The following RNLS variants were observed in gnomAD, a reference collection of about 807,000 sequenced individuals.
The protein encoded by RNLS is renalase, FAD dependent amine oxidase, also known as renalase.
RNLS carries 39 observed loss-of-function variants against 39.8 expected under a neutral mutation model. The ratio of observed to expected loss-of-function variants is 0.98; its 90% confidence interval spans 0.76 to 1.28. RNLS has a LOEUF of 1.28. RNLS is among the 50% of genes most tolerant of loss of function. RNLS has a pLI of 0.00. For synonymous variants in RNLS, 147 were observed against 150.7 expected (o/e 0.98, Z 0.18); for missense variants, 410 against 413.3 (o/e 0.99, Z 0.07).
At chr10:88,493,907 A>G (rs1845021522) in intron 4 of RNLS, among the ~76,000 whole-genome samples, 1 of 152,190 alleles carries the variant, frequency 6.6e-6, no homozygotes, top group Non-Finnish European at 1.5e-5. Context: ...TTGGCAGACC[A>G]TAAACAAAAT....
At chr10:88,231,863 A>G in the RNLS span, among the ~76,000 whole-genome samples, 1 of 152,098 alleles carries the variant, frequency 6.6e-6, no homozygotes, top group African/African-American at 2.4e-5. Context: ...TTAAACAACA[A>G]AAAAAATTGG....
At chr10:88,186,973 CT>C in the RNLS span, among the ~76,000 whole-genome samples, 1 of 151,380 alleles carries the variant, frequency 6.6e-6, no homozygotes, top group Non-Finnish European at 1.5e-5. Flanking sequence ...AAAGCAAACT[CT>C]TCATGGAAAA....
chr10:88,530,228 G>A (rs757878691), intron 4 of RNLS, among the ~76,000 whole-genome samples: 6 of 152,108 alleles, frequency 3.9e-5, no homozygotes, highest in African/African-American at 1.2e-4. Flanking sequence ...TGTGAAAAGC[G>A]AATGGGTAGA....
chr10:88,284,352 C>T lies in RNLS; in HGVS notation c.*1002G>A. On this transcript the variant is annotated 3_prime_UTR_variant, in exon 7 of 7. Coordinates refer to ENST00000331772, the MANE Select transcript of RNLS (RefSeq NM_001031709.3). ...TTCAAAATGCTGAAATAGAACTCAT[C>T]ATTTTGCTTTTCAAATTAGCAACAG... 2.0e-6 allele frequency: 2 copies of T among 985,384 alleles called. No homozygotes were observed. The highest frequency in any genetic ancestry group is 3.5e-5 in the African/African-American group (2 of 57,354). 61.0% of individuals were successfully genotyped at this position (985,384 alleles called of 1,614,324 possible). A position where few individuals can be genotyped will look rare whatever the true frequency, so the allele number is the denominator to read the frequency against.
intron 5 of RNLS, among the ~76,000 whole-genome samples, chr10:88,344,099 T>G (rs752184271): frequency 3.3e-4 from 50 of 152,174 alleles, no homozygotes; most frequent in Non-Finnish European, 7.4e-5. Flanking sequence ...ATTGGACTAT[T>G]TTCCTGAATT....
At chr10:88,319,051 G>C (rs1397946938) in intron 5 of RNLS, among the ~76,000 whole-genome samples, 4 of 152,138 alleles carry the variant, frequency 2.6e-5, no homozygotes, top group Admixed American at 6.5e-5. Flanking sequence ...TAGTGTATGT[G>C]ATGAGACTTC....
chr10:88,362,519 G>A lies in RNLS; in HGVS notation c.700+33C>T, dbSNP rs530290852. On this transcript the variant is annotated intron_variant, in intron 5 of 6. Transcript: ENST00000331772. ...TTCATGATCTACACCCACCATTGTT[G>A]CTGTATTTAAGGGAAATAATAGGGG... 24 of 1,590,876 alleles carry A rather than the reference G, an allele frequency of 1.5e-5. 1 individual carries two copies. The highest frequency in any genetic ancestry group is 1.7e-4 in the Middle Eastern group (1 of 5,848).
the RNLS span, among the ~76,000 whole-genome samples, chr10:88,238,942 G>T: frequency 2.6e-5 from 4 of 152,060 alleles, no homozygotes; most frequent in South Asian, 8.3e-4. Flanking sequence ...CCAGCCATGT[G>T]GTAGGATGTC....
At chr10:88,173,149 C>A in the RNLS span, among the ~76,000 whole-genome samples, 2 of 152,002 alleles carry the variant, frequency 1.3e-5, no homozygotes, top group African/African-American at 4.8e-5. Context: ...TAAGCCACCG[C>A]GCCCGGCCGA....
chr10:88,488,814 T>C lies in RNLS; in HGVS notation c.526+84089A>G, dbSNP rs150835447. ...AAGTAATTTGGCTTCAATTAAAATGTTTGAAGGAGGAATTTGGGTCATAGT... is the reference window on the plus strand; with the variant it reads ...AAGTAATTTGGCTTCAATTAAAATGCTTGAAGGAGGAATTTGGGTCATAGT... On this transcript the variant is annotated intron_variant, in intron 4 of 6. Transcript: ENST00000331772. Among the ~76,000 whole-genome samples the C allele has an allele frequency of 4.6e-3, 708 of 152,260 alleles. 3 individuals are homozygous for C. The highest frequency in any genetic ancestry group is 0.012 in the Admixed American group (185 of 15,280).
chr10:88,329,214 C>T (rs568272927), intron 5 of RNLS, among the ~76,000 whole-genome samples: 1 of 151,714 alleles, frequency 6.6e-6, no homozygotes, highest in East Asian at 1.9e-4. Context: ...ACCACCACAC[C>T]CAGCTAGTTT....
At chr10:88,441,731 G>T (rs1217008610) in intron 4 of RNLS, among the ~76,000 whole-genome samples, 2 of 152,138 alleles carry the variant, frequency 1.3e-5, no homozygotes, top group Non-Finnish European at 2.9e-5. Flanking sequence ...TGTAAGCATC[G>T]GAAATACAAT....
At chr10:88,512,822 A>G (rs113169676) in intron 4 of RNLS, among the ~76,000 whole-genome samples, 2 of 152,212 alleles carry the variant, frequency 1.3e-5, no homozygotes, top group African/African-American at 4.8e-5. Flanking sequence ...CACTCCTCTC[A>G]TTACTGGCAG....
intron 5 of RNLS, among the ~76,000 whole-genome samples, chr10:88,345,364 T>C (rs1848237439): frequency 6.6e-6 from 1 of 152,144 alleles, no homozygotes; most frequent in African/African-American, 2.4e-5. Context: ...GGAAAAATTC[T>C]TATTCAAAAA....
chr10:88,233,207 C>G, the RNLS span, among the ~76,000 whole-genome samples: 2 of 152,320 alleles, frequency 1.3e-5, no homozygotes, highest in South Asian at 4.1e-4. Context: ...TCCAGCAAAT[C>G]CAAGAAACAA....
At chr10:88,550,993 G>C (rs1848577833) in intron 4 of RNLS, among the ~76,000 whole-genome samples, 1 of 152,138 alleles carries the variant, frequency 6.6e-6, no homozygotes, top group Non-Finnish European at 1.5e-5. Context: ...TTTATAGTTT[G>C]TTCAGTTTTT....
chr10:88,184,637 T>A, the RNLS span, among the ~76,000 whole-genome samples: 1 of 152,132 alleles, frequency 6.6e-6, no homozygotes, highest in Admixed American at 6.6e-5. Context: ...TGACCCATCT[T>A]TTGCATAAAT....
chr10:88,538,469 A>G (rs992350470), intron 4 of RNLS, among the ~76,000 whole-genome samples: 1 of 152,156 alleles, frequency 6.6e-6, no homozygotes. Flanking sequence ...TCTCCCCTCA[A>G]AATCTCTTGC....
At chr10:88,503,029 CCAAT>C (rs1194249834) in intron 4 of RNLS, among the ~76,000 whole-genome samples, 4 of 152,104 alleles carry the variant, frequency 2.6e-5, no homozygotes, top group African/African-American at 9.7e-5. Context: ...CAATCCGTAG[CCAAT>C]CATTTTTTAT....
Sources: allele counts gnomAD v4.1 joint callset (sites outside exome capture counted in the v4.1 genomes callset), GRCh38; gene constraint gnomAD v4.1.1; transcripts MANE v1.5; gene names NCBI Gene and HGNC (gene_info 2026-07-23, HGNC 2026-07-21).